DCLK2: variants seen among roughly 807,000 people sequenced by gnomAD.
DCLK2 encodes serine/threonine-protein kinase DCLK2.
A neutral mutation model predicts 78.4 loss-of-function variants in DCLK2; 31 were observed. That is an observed-to-expected ratio of 0.40 (90% CI 0.30 to 0.53). The LOEUF (loss-of-function observed/expected upper bound fraction) is 0.53, where lower values mean the gene tolerates loss of function less well. DCLK2 is among the 20% of genes least tolerant of loss of function. The probability of loss-of-function intolerance (pLI) is 0.61; values close to 1 mark genes in which losing one functional copy is unlikely to be tolerated. For synonymous variants in DCLK2, 407 were observed against 374.9 expected (o/e 1.09, Z -0.99); for missense variants, 872 against 973.7 (o/e 0.90, Z 1.39).
chr4:150,147,591 ACT>A (rs1734571970), intron 2 of DCLK2, among the ~76,000 whole-genome samples: 1 of 152,196 alleles, frequency 6.6e-6, no homozygotes, highest in African/African-American at 2.4e-5. Flanking sequence ...AATCGTGACC[ACT>A]GTCATTCCTT....
At chr4:150,100,211 C>G (rs2150151103) in intron 1 of DCLK2, among the ~76,000 whole-genome samples, 1 of 152,254 alleles carries the variant, frequency 6.6e-6, no homozygotes, top group East Asian at 1.9e-4. Flanking sequence ...CCATGCCCAG[C>G]CTACAAATTT....
chr4:150,201,261 G>T (rs2126439153), intron 4 of DCLK2, among the ~76,000 whole-genome samples: 1 of 152,278 alleles, frequency 6.6e-6, no homozygotes, highest in Non-Finnish European at 1.5e-5. Context: ...AAATCCAGGG[G>T]TGTAGCAGAA....
intron 1 of DCLK2, among the ~76,000 whole-genome samples, chr4:150,086,279 A>C (rs1034367096): frequency 3.9e-5 from 6 of 152,174 alleles, no homozygotes; most frequent in African/African-American, 1.4e-4. Context: ...TTATTTATTA[A>C]GATAGCCAGT....
intron 1 of DCLK2, among the ~76,000 whole-genome samples, chr4:150,094,692 ATGTGTAAGTC>A (rs1431723838): frequency 6.6e-6 from 1 of 152,248 alleles, no homozygotes; most frequent in East Asian, 1.9e-4. Flanking sequence ...AAACCATGAA[ATGTGTAAGTC>A]TGTTTTGGAA....
At chr4:150,146,672 C>A (rs1734494946) in intron 2 of DCLK2, among the ~76,000 whole-genome samples, 1 of 151,980 alleles carries the variant, frequency 6.6e-6, no homozygotes, top group African/African-American at 2.4e-5. Context: ...ATGGTCAGTG[C>A]CTAGCATAGT....
At chr4:150,116,277 A>C (rs1560784884) in intron 2 of DCLK2, among the ~76,000 whole-genome samples, 1 of 152,174 alleles carries the variant, frequency 6.6e-6, no homozygotes, top group African/African-American at 2.4e-5. Context: ...CTTCAGCAGT[A>C]GGTGAGGGGG....
At position 150,079,533 on chromosome 4, in the gene DCLK2, G is replaced by T. The variant is rs1729088152; in HGVS notation, c.421+85G>T. 3 of 1,349,274 alleles carry T rather than the reference G, an allele frequency of 2.2e-6. No individual in the cohort carries two copies. The East Asian group carries it at 8.0e-5, about 36-fold the overall frequency. The allele number at this position is 1,349,274 out of a possible 1,614,324, so 83.6% of individuals were successfully genotyped here. A position where few individuals can be genotyped will look rare whatever the true frequency, so the allele number is the denominator to read the frequency against. ...TGAGCCGGCGCAGCGGGGAGCCCGCGGGGTGCTTTCCAAGCCGCACGGGAA... is the reference window on the plus strand; with the variant it reads ...TGAGCCGGCGCAGCGGGGAGCCCGCTGGGTGCTTTCCAAGCCGCACGGGAA... On this transcript the variant is annotated intron_variant, in intron 1 of 15. Coordinates refer to ENST00000296550, the MANE Select transcript of DCLK2 (RefSeq NM_001040260.4).
intron 3 of DCLK2, 45 bp downstream of exon 3, chr4:150,193,285 C>T: frequency 7.6e-7 from 1 of 1,314,002 alleles, no homozygotes; most frequent in Middle Eastern, 1.9e-4. Flanking sequence ...CTTTGTAACC[C>T]CTGAAATGAA....
chr4:150,186,756 A>G (rs1163274052), intron 2 of DCLK2, among the ~76,000 whole-genome samples: 1 of 152,196 alleles, frequency 6.6e-6, no homozygotes, highest in East Asian at 1.9e-4. Context: ...GGCTGGGCAC[A>G]GTGTCTCACA....
chr4:150,167,149 G>A (rs1251635398), intron 2 of DCLK2, among the ~76,000 whole-genome samples: 2 of 151,956 alleles, frequency 1.3e-5, no homozygotes, highest in African/African-American at 4.8e-5. Context: ...GATTTTAAGA[G>A]GGAAAAATGC....
chr4:150,193,933 G>T (rs1354807148), intron 3 of DCLK2, among the ~76,000 whole-genome samples: 2 of 151,036 alleles, frequency 1.3e-5, no homozygotes, highest in Non-Finnish European at 2.9e-5. Flanking sequence ...TAAATTTTTT[G>T]TAGAGACAGG....
chr4:150,203,704 C>T, intron 4 of DCLK2, 91 bp from the exon 5 acceptor site: 6 of 984,594 alleles, frequency 6.1e-6, no homozygotes, highest in Non-Finnish European at 9.2e-6. Flanking sequence ...CTTCATTGGA[C>T]CTATATTGTG....
intron 2 of DCLK2, among the ~76,000 whole-genome samples, chr4:150,108,917 G>T (rs543312797): frequency 6.6e-6 from 1 of 152,198 alleles, no homozygotes; most frequent in African/African-American, 2.4e-5. Flanking sequence ...AACACTTCCA[G>T]ACTTTGGGAC....
chr4:150,102,303 A>G (rs1730943721), intron 1 of DCLK2, among the ~76,000 whole-genome samples, 175 bp from the exon 2 acceptor site: 1 of 152,200 alleles, frequency 6.6e-6, no homozygotes, highest in Non-Finnish European at 1.5e-5. Flanking sequence ...ACCAATCTAG[A>G]CTATTTAAAA....
chr4:150,117,750 C>T (rs923843466), intron 2 of DCLK2, among the ~76,000 whole-genome samples: 1 of 152,156 alleles, frequency 6.6e-6, no homozygotes, highest in African/African-American at 2.4e-5. Context: ...TATAGTTTTC[C>T]ACCTGGCTCA....
In DCLK2 at chr4:150,102,791, C is replaced by T. The variant is rs574977290; in HGVS notation, c.735C>T (p.Leu245=). ...TAGACTCAGGAGTCGTCAAGAGGCT[C>T]TGCACCCTGGATGGAAAGCAGGTAA... The part of the protein sequence containing the change: ...IKLDSGVVKR[L]CTLDGKQVTC... Residue 245 remains leucine, a synonymous_variant, in exon 2 of 16, where the codon CTC becomes CTT. Transcript: ENST00000296550. 6.2e-7 allele frequency: 1 copy of T among 1,607,436 alleles called. No homozygotes were observed. Among genetic ancestry groups the T allele is most frequent in the Admixed American group, 1.7e-5 (1 of 59,354 alleles).
In DCLK2 at chr4:150,219,258, C is replaced by CTT. The variant is rs375592229; in HGVS notation, c.1057-1419_1057-1418dup. On this transcript the variant is annotated intron_variant, in intron 5 of 15. Coordinates refer to ENST00000296550, the MANE Select transcript of DCLK2 (RefSeq NM_001040260.4). ...TTACATTCAACAGTTCACAAACATT[C>CTT]TTTTTTTTTTTTTTTTTTTTTTTTT... Among the ~76,000 whole-genome samples the CTT allele has an allele frequency of 8.1e-3, 587 of 72,126 alleles. 39 individuals carry two copies. The highest frequency in any genetic ancestry group is 8.6e-3 in the Non-Finnish European group (325 of 37,576). The allele number at this position is 72,126 out of a possible 152,430, so 47.3% of individuals were successfully genotyped here.
Position 150,175,209 on chromosome 4 carries a change from A to AATT in DCLK2, c.757-17929_757-17928insATT, listed in dbSNP as rs1360932500. Among the ~76,000 whole-genome samples the AATT allele has an allele frequency of 7.4e-3, 847 of 115,100 alleles. 36 individuals carry two copies. Among genetic ancestry groups the AATT allele is most frequent in the East Asian group, 0.012 (47 of 3,978 alleles). 75.5% of individuals were successfully genotyped at this position (115,100 alleles called of 152,430 possible). ...TTATAATTTATCTATATATATTTAT[A>AATT]TATATTTATCTATATATATTTATAT... On this transcript the variant is annotated intron_variant, in intron 2 of 15. Transcript: ENST00000296550.
intron 2 of DCLK2, among the ~76,000 whole-genome samples, chr4:150,144,014 C>T (rs942260271): frequency 6.6e-6 from 1 of 151,908 alleles, no homozygotes; most frequent in African/African-American, 2.4e-5. Context: ...TGTTGATTCT[C>T]TCTTTTGCTG....
Sources: allele counts gnomAD v4.1 joint callset (sites outside exome capture counted in the v4.1 genomes callset), GRCh38; gene constraint gnomAD v4.1.1; transcripts MANE v1.5; gene names NCBI Gene and HGNC (gene_info 2026-07-23, HGNC 2026-07-21).